Variants in SOX5 observed in about 807,000 individuals in gnomAD.
SOX5 encodes transcription factor SOX-5.
In SOX5, 9 loss-of-function variants were observed where a neutral mutation model predicts 92.0. That is an observed-to-expected ratio of 0.10 (90% CI 0.06 to 0.17). The LOEUF (loss-of-function observed/expected upper bound fraction) is 0.17. Ranked by LOEUF, SOX5 falls within the 10% of genes least tolerant of loss-of-function variation. The probability of loss-of-function intolerance (pLI) is 1.00; values close to 1 mark genes in which losing one functional copy is unlikely to be tolerated. For synonymous variants in SOX5, 344 were observed against 336.3 expected (o/e 1.02, Z -0.25); for missense variants, 642 against 944.5 (o/e 0.68, Z 4.20).
intron 4 of SOX5, among the ~76,000 whole-genome samples, chr12:24,059,793 C>G (rs1336512620): frequency 2.0e-5 from 3 of 152,080 alleles, no homozygotes; most frequent in Non-Finnish European, 4.4e-5. Context: ...ACAAATGAAA[C>G]CCAAACATAT....
At chr12:23,843,598 C>T (rs1406449736) in intron 3 of SOX5, among the ~76,000 whole-genome samples, 1 of 105,124 alleles carries the variant, frequency 9.5e-6, no homozygotes, top group East Asian at 4.2e-4. Context: ...GAGTCTCGCT[C>T]TGTTGCCCAG....
chr12:24,018,150 T>G (rs1016040799), intron 4 of SOX5, among the ~76,000 whole-genome samples: 11 of 152,170 alleles, frequency 7.2e-5, no homozygotes, highest in African/African-American at 2.4e-4. Flanking sequence ...TCCCAGAGAT[T>G]CTTCTTTTCA....
chr12:23,745,063 T>C (rs2093934500), intron 4 of SOX5, among the ~76,000 whole-genome samples: 1 of 152,174 alleles, frequency 6.6e-6, no homozygotes, highest in Admixed American at 6.6e-5. Flanking sequence ...GTAAAGATCC[T>C]GTCTCCAAAT....
At chr12:24,106,132 C>G (rs1173811981) in intron 4 of SOX5, among the ~76,000 whole-genome samples, 1 of 147,060 alleles carries the variant, frequency 6.8e-6, no homozygotes, top group Non-Finnish European at 1.5e-5. Context: ...AATGAAAAGA[C>G]AAGTCAAGGA....
At position 23,584,596 on chromosome 12, in the gene SOX5, A is replaced by T. The variant is rs190825731; in HGVS notation, c.1165-8758T>A. The T allele has an allele frequency of 6.2e-6, 10 of 1,607,394 alleles. No homozygotes were observed. The Admixed American group carries it at 1.3e-4, about 21-fold the overall frequency. Reference sequence around the variant, plus strand: ...AAATCTCCAACAGTCTGGTGAACCCACTATAACTGACTGTTTAATGAGTAA... The same window carrying T: ...AAATCTCCAACAGTCTGGTGAACCCTCTATAACTGACTGTTTAATGAGTAA... On this transcript the variant is annotated intron_variant, in intron 9 of 14. Coordinates refer to ENST00000451604, the MANE Select transcript of SOX5 (RefSeq NM_006940.6).
intron 4 of SOX5, among the ~76,000 whole-genome samples, chr12:24,159,334 A>G (rs989752486): frequency 4.6e-5 from 7 of 151,974 alleles, no homozygotes; most frequent in Non-Finnish European, 1.0e-4. Flanking sequence ...GATTTTTCCC[A>G]TAAATATTAC....
intron 2 of SOX5, among the ~76,000 whole-genome samples, chr12:24,356,703 T>C (rs539569596): frequency 4.6e-5 from 7 of 152,294 alleles, no homozygotes; most frequent in African/African-American, 1.4e-4. Context: ...GACTTCATTC[T>C]TTTCACCCAA....
chr12:23,749,399 AT>A (rs2094112392), intron 4 of SOX5, among the ~76,000 whole-genome samples: 1 of 151,896 alleles, frequency 6.6e-6, no homozygotes, highest in Admixed American at 6.6e-5. Flanking sequence ...TTCTTTTGAC[AT>A]GATAATGTTG....
intron 4 of SOX5, among the ~76,000 whole-genome samples, chr12:24,129,220 T>C (rs997939773): frequency 1.3e-5 from 2 of 152,210 alleles, no homozygotes; most frequent in African/African-American, 4.8e-5. Context: ...CCTTTTCATT[T>C]GAATAAACCC....
chr12:24,514,023 T>C (rs1566358777), intron 1 of SOX5, among the ~76,000 whole-genome samples: 1 of 152,208 alleles, frequency 6.6e-6, no homozygotes, highest in African/African-American at 2.4e-5. Context: ...CAGTCTACTA[T>C]CTCTTCTACA....
At chr12:24,437,549 C>A (rs753743237) in intron 1 of SOX5, among the ~76,000 whole-genome samples, 2 of 151,852 alleles carry the variant, frequency 1.3e-5, no homozygotes, top group Admixed American at 1.3e-4. Flanking sequence ...CTACAAAGGG[C>A]TAATATCCAG....
chr12:23,588,800 A>G (rs1951112415), intron 9 of SOX5, among the ~76,000 whole-genome samples: 1 of 151,926 alleles, frequency 6.6e-6, no homozygotes, highest in Non-Finnish European at 1.5e-5. Context: ...GAACACCAAC[A>G]TTTTGGTGAA....
intron 2 of SOX5, among the ~76,000 whole-genome samples, chr12:24,297,341 CCATTCT>C (rs1416054671): frequency 1.3e-5 from 2 of 152,180 alleles, no homozygotes; most frequent in Non-Finnish European, 2.9e-5. Flanking sequence ...GACAGTCTTC[CCATTCT>C]CAGATTTTTT....
chr12:23,722,520 A>G (rs2092876874), intron 6 of SOX5, among the ~76,000 whole-genome samples: 2 of 152,284 alleles, frequency 1.3e-5, no homozygotes, highest in East Asian at 3.9e-4. Context: ...TTAATTTGGA[A>G]ATTTCATCAC....
At chr12:23,777,034 C>T (rs760892770) in intron 3 of SOX5, among the ~76,000 whole-genome samples, 3 of 152,064 alleles carry the variant, frequency 2.0e-5, no homozygotes, top group Admixed American at 6.6e-5. Flanking sequence ...TCTCTTCCTC[C>T]CCACTAGAAC....
chr12:24,319,978 C>A (rs1048429123), intron 2 of SOX5, among the ~76,000 whole-genome samples: 9 of 152,168 alleles, frequency 5.9e-5, no homozygotes, highest in Admixed American at 5.9e-4. Flanking sequence ...CTTATGTTAT[C>A]ACTCATGTCA....
At chr12:23,757,254 T>C (rs1422918179) in intron 3 of SOX5, among the ~76,000 whole-genome samples, 2 of 151,946 alleles carry the variant, frequency 1.3e-5, no homozygotes, top group African/African-American at 4.8e-5. Flanking sequence ...AAATGGATTT[T>C]TTCCCTCAGA....
At position 23,721,552 on chromosome 12, in the gene SOX5, C is replaced by T. The variant is rs143887973; in HGVS notation, c.810+13132G>A. Among the ~76,000 whole-genome samples the T allele has an allele frequency of 2.3e-4, 35 of 152,214 alleles. No homozygotes were observed. In the East Asian group the frequency reaches 5.6e-3, roughly 24 times the overall value. On this transcript the variant is annotated intron_variant, in intron 6 of 14. Coordinates refer to ENST00000451604, the MANE Select transcript of SOX5 (RefSeq NM_006940.6). ...AATGTCAGCTAAATTAAAGTGCATC[C>T]GGCAAGCTCCTTATCTTAACTGAGG...
At chr12:24,428,211 C>A (rs1309191727) in intron 1 of SOX5, among the ~76,000 whole-genome samples, 13 of 140,420 alleles carry the variant, frequency 9.3e-5, no homozygotes, top group Non-Finnish European at 1.6e-4. Context: ...AACCCAAAAA[C>A]CAAAAAAAAA....
Sources: gnomAD v4.1 joint callset for allele counts (sites outside exome capture counted in the v4.1 genomes callset) on GRCh38, gnomAD v4.1.1 for gene constraint, MANE v1.5 for transcripts, NCBI Gene and HGNC (gene_info 2026-07-23, HGNC 2026-07-21) for gene names.